The following SKAP2 variants were observed in gnomAD, a reference collection of about 807,000 sequenced individuals.
SKAP2 encodes src kinase-associated phosphoprotein 2.
SKAP2 carries 28 observed loss-of-function variants against 54.9 expected under a neutral mutation model. The ratio of observed to expected loss-of-function variants is 0.51; its 90% CI spans 0.38 to 0.70. SKAP2 has a LOEUF of 0.70. Ranked by LOEUF, SKAP2 falls within the 30% of genes least tolerant of loss-of-function variation. The pLI is 0.00. For synonymous variants in SKAP2, 137 were observed against 134.3 expected (o/e 1.02, Z -0.14); for missense variants, 356 against 424.1 (o/e 0.84, Z 1.41).
At chr7:26,703,000 T>A (rs983873661) in intron 9 of SKAP2, among the ~76,000 whole-genome samples, 1 of 152,252 alleles carries the variant, frequency 6.6e-6, no homozygotes, top group African/African-American at 2.4e-5. Context: ...CTGTGCCCCA[T>A]GCACAGAGTT....
rs569932202 is a variant in SKAP2, at chr7:26,817,244, T to C, written c.307+26786A>G. 2.8e-4 allele frequency among the ~76,000 whole-genome samples: 43 copies of C among 152,198 alleles called. No homozygotes were observed. In the East Asian group the frequency reaches 8.3e-3, roughly 29 times the overall value. On this transcript the variant is annotated intron_variant, in intron 4 of 12. Transcript: ENST00000345317. ...CAGCTAGTTCACAGGAGTGTATACA[T>C]TCACACAGGTCTATAGGTTTATATA...
rs1785088699 is a variant in SKAP2, at chr7:26,853,381, A to G, written c.199+756T>C. 1.3e-5 allele frequency among the ~76,000 whole-genome samples: 2 copies of G among 152,162 alleles called. 1 individual carries two copies. Among genetic ancestry groups the G allele is most frequent in the East Asian group, 3.9e-4 (2 of 5,194 alleles). On this transcript the variant is annotated intron_variant, in intron 3 of 12. Coordinates refer to ENST00000345317, the MANE Select transcript of SKAP2 (RefSeq NM_003930.5). ...CACAAGCTGTACATCATAACCTATG[A>G]ATAAGTATCATGGAAGTAAGGGCCA...
At chr7:26,733,100 T>G (rs565162152) in intron 6 of SKAP2, among the ~76,000 whole-genome samples, 67 of 151,568 alleles carry the variant, frequency 4.4e-4, no homozygotes, top group African/African-American at 1.6e-3. Flanking sequence ...CACTGCACTC[T>G]GGCCTGGGCA....
At chr7:26,743,282 C>T (rs1194456116) in intron 4 of SKAP2, among the ~76,000 whole-genome samples, 1 of 152,204 alleles carries the variant, frequency 6.6e-6, no homozygotes, top group African/African-American at 2.4e-5. Context: ...TTACCTATTA[C>T]AGTTAAATAT....
intron 3 of SKAP2, 120 bp from the exon 4 acceptor site, chr7:26,844,257 T>C (rs1040667445): frequency 6.3e-5 from 39 of 614,186 alleles, no homozygotes; most frequent in Non-Finnish European, 9.8e-5. Context: ...AATTGAGTCA[T>C]TGTCATGGAA....
rs941440057 is a variant in SKAP2, at chr7:26,710,846, A to G, written c.796+14582T>C. ...AACCGGTTTATAAAGGAGGTTTTGA[A>G]TTCTTTTATATACGTTGTCTCAGCA... On this transcript the variant is annotated intron_variant, in intron 9 of 12. Coordinates refer to ENST00000345317, the MANE Select transcript of SKAP2 (RefSeq NM_003930.5). Among the ~76,000 whole-genome samples the G allele has an allele frequency of 2.0e-5, 3 of 152,142 alleles. No individual in the cohort carries two copies. The South Asian group carries it at 6.2e-4, about 32-fold the overall frequency.
At chr7:26,833,801 T>A (rs1426173762) in intron 4 of SKAP2, among the ~76,000 whole-genome samples, 1 of 151,724 alleles carries the variant, frequency 6.6e-6, no homozygotes, top group Non-Finnish European at 1.5e-5. Context: ...AGACAGAAAA[T>A]TAACAAGGAT....
chr7:26,823,898 G>C (rs1020761614), intron 4 of SKAP2, among the ~76,000 whole-genome samples: 2 of 152,206 alleles, frequency 1.3e-5, no homozygotes, highest in African/African-American at 4.8e-5. Context: ...GTAGTTTCTT[G>C]TGATGGGATC....
chr7:26,778,429 ACAAT>A lies in SKAP2; in HGVS notation c.308-38469_308-38466del, dbSNP rs369715067. ...CTAGTTCCATACTATGATTCCGCTAACAATCAGTGCTGCACACATTCTCATATTT... is the reference window on the plus strand; with the variant it reads ...CTAGTTCCATACTATGATTCCGCTAACAGTGCTGCACACATTCTCATATTT... On this transcript the variant is annotated intron_variant, in intron 4 of 12. Transcript: ENST00000345317. 3.9e-3 allele frequency among the ~76,000 whole-genome samples: 593 copies of A among 152,216 alleles called. 3 individuals carry two copies. Among genetic ancestry groups the A allele is most frequent in the African/African-American group, 0.013 (552 of 41,556 alleles).
intron 4 of SKAP2, among the ~76,000 whole-genome samples, chr7:26,765,541 C>A (rs919493833): frequency 6.6e-6 from 1 of 152,138 alleles, no homozygotes; most frequent in Non-Finnish European, 1.5e-5. Context: ...AAAGTCTTTG[C>A]CCATGCCTAT....
At chr7:26,719,801 T>C (rs977115700) in intron 9 of SKAP2, among the ~76,000 whole-genome samples, 7 of 152,328 alleles carry the variant, frequency 4.6e-5, no homozygotes, top group Admixed American at 1.3e-4. Flanking sequence ...TAGTTTCATG[T>C]ATGTAAGAAA....
intron 9 of SKAP2, among the ~76,000 whole-genome samples, chr7:26,702,251 C>A (rs1787044059): frequency 6.6e-6 from 1 of 152,086 alleles, no homozygotes; most frequent in South Asian, 2.1e-4. Context: ...ACCTCCCAGG[C>A]TCATGTGATC....
intron 9 of SKAP2, among the ~76,000 whole-genome samples, chr7:26,712,840 T>G (rs998816473): frequency 1.3e-5 from 2 of 152,246 alleles, no homozygotes; most frequent in Admixed American, 1.3e-4. Flanking sequence ...TGTGTAGTGA[T>G]GTGGAAGGTA....
chr7:26,848,532 T>C (rs1208140140), intron 3 of SKAP2, among the ~76,000 whole-genome samples: 2 of 152,138 alleles, frequency 1.3e-5, no homozygotes, highest in Non-Finnish European at 2.9e-5. Flanking sequence ...GCTCATTATA[T>C]ATATGCAAAT....
intron 6 of SKAP2, among the ~76,000 whole-genome samples, chr7:26,733,339 T>C (rs1787859930): frequency 6.6e-6 from 1 of 151,912 alleles, no homozygotes; most frequent in Admixed American, 6.6e-5. Flanking sequence ...ACACATTTAA[T>C]ATATATCATC....
At chr7:26,857,636 C>G in intron 1 of SKAP2, 2 of 985,430 alleles carry the variant, frequency 2.0e-6, no homozygotes, top group Non-Finnish European at 2.4e-6. Context: ...CTGAGAAACG[C>G]ACTTCAGCGT....
At chr7:26,850,307 T>C (rs1284652082) in intron 3 of SKAP2, among the ~76,000 whole-genome samples, 1 of 151,982 alleles carries the variant, frequency 6.6e-6, no homozygotes, top group African/African-American at 2.4e-5. Flanking sequence ...CGGCCGAGCA[T>C]GGTGACTCAT....
At chr7:26,808,614 G>A (rs1178058308) in intron 4 of SKAP2, among the ~76,000 whole-genome samples, 12 of 151,490 alleles carry the variant, frequency 7.9e-5, no homozygotes, top group Admixed American at 7.9e-4. Context: ...GGTTAAAATT[G>A]TAAATTTCAT....
chr7:26,801,147 G>C (rs1377269917), intron 4 of SKAP2, among the ~76,000 whole-genome samples: 2 of 152,186 alleles, frequency 1.3e-5, no homozygotes, highest in Non-Finnish European at 2.9e-5. Flanking sequence ...GCATTAGACA[G>C]ATCATTCATC....
Sources: allele counts gnomAD v4.1 joint callset (sites outside exome capture counted in the v4.1 genomes callset), GRCh38; gene constraint gnomAD v4.1.1; transcripts MANE v1.5; gene names NCBI Gene and HGNC (gene_info 2026-07-23, HGNC 2026-07-21).